Variants in HACD2 observed in about 807,000 individuals in gnomAD.
The protein encoded by HACD2 is 3-hydroxyacyl-CoA dehydratase 2.
In HACD2, 15 loss-of-function variants were observed where a neutral mutation model predicts 31.0. That is an observed-to-expected ratio of 0.48 (90% CI 0.32 to 0.75). The LOEUF (loss-of-function observed/expected upper bound fraction) is 0.75, where lower values mean the gene tolerates loss of function less well. Among genes scored for constraint, HACD2 ranks in the 30% least tolerant of loss-of-function variants. HACD2 has a pLI of 0.03. For synonymous variants in HACD2, 115 were observed against 122.2 expected, an observed-to-expected ratio of 0.94 and a Z score of 0.39; for missense variants, 283 against 313.0, an observed-to-expected ratio of 0.90 and a Z score of 0.72.
intron 4 of HACD2, among the ~76,000 whole-genome samples, chr3:123,514,295 G>A (rs1363480552): frequency 2.6e-5 from 4 of 152,032 alleles, no homozygotes; most frequent in Admixed American, 2.6e-4. Flanking sequence ...AAAACACAGA[G>A]AGAGTAGGAA....
chr3:123,551,167 C>T (rs2056615725), intron 3 of HACD2, among the ~76,000 whole-genome samples: 1 of 152,110 alleles, frequency 6.6e-6, no homozygotes, highest in Non-Finnish European at 1.5e-5. Context: ...TGTTCCTCTA[C>T]CTCTTTGAAC....
chr3:123,496,167 G>A (rs1053480559), intron 6 of HACD2, among the ~76,000 whole-genome samples: 1 of 152,054 alleles, frequency 6.6e-6, no homozygotes, highest in African/African-American at 2.4e-5. Context: ...GGGACTACAG[G>A]TGCACACCAC....
chr3:123,544,072 T>C (rs997192622), intron 3 of HACD2, among the ~76,000 whole-genome samples: 1 of 152,190 alleles, frequency 6.6e-6, no homozygotes, highest in Non-Finnish European at 1.5e-5. Context: ...AAAGTACAAA[T>C]GACTTTGCCC....
chr3:123,563,767 A>T (rs2056761372), intron 3 of HACD2, among the ~76,000 whole-genome samples: 1 of 152,186 alleles, frequency 6.6e-6, no homozygotes, highest in African/African-American at 2.4e-5. Flanking sequence ...CACCTCACAC[A>T]TTTATTTGTG....
intron 1 of HACD2, 119 bp downstream of exon 1, chr3:123,584,754 C>T (rs1019534262): frequency 1.8e-5 from 14 of 788,400 alleles, no homozygotes; most frequent in Non-Finnish European, 1.8e-5. Flanking sequence ...TCCCGGGCAC[C>T]CCCCGCCGGG....
rs377556116 is a variant in HACD2, at chr3:123,582,080, T to C, written c.273+132A>G. 3 of 477,074 alleles carry C rather than the reference T, an allele frequency of 6.3e-6. No homozygotes were observed. In the East Asian group the frequency reaches 1.0e-4, roughly 16 times the overall value. The allele number at this position is 477,074 out of a possible 1,614,324, so 29.6% of individuals were successfully genotyped here. A position where few individuals can be genotyped will look rare whatever the true frequency, so the allele number is the denominator to read the frequency against. ...TCAAAAAGCCTAGGTATCAACACTT[T>C]AGTATGTGAGGAGGCAAAATTTCAA... is the stretch of plus-strand genomic sequence containing the variant. On this transcript the variant is annotated intron_variant, in intron 2 of 6. Transcript: ENST00000383657.
rs78634121 is a variant in HACD2 at position 123,572,511 on chromosome 3, G to C, written c.274-4731C>G. On this transcript the variant is annotated intron_variant, in intron 2 of 6. Coordinates refer to ENST00000383657, the MANE Select transcript of HACD2 (RefSeq NM_198402.5). ...CAACAGAGCAAGACCCTGTCTCAAA[G>C]AAAAGAAAAGAAAATATGAACCATA... is the stretch of plus-strand genomic sequence containing the variant. Among the ~76,000 whole-genome samples the C allele has an allele frequency of 6.1e-3, 924 of 152,172 alleles. 9 individuals are homozygous for C. The highest frequency in any genetic ancestry group is 0.021 in the African/African-American group (892 of 41,516).
At position 123,500,497 on chromosome 3, in the gene HACD2, G is replaced by A. The variant is rs771255951; in HGVS notation, c.682+18C>T. On this transcript the variant is annotated intron_variant, in intron 6 of 6. Coordinates refer to ENST00000383657, the MANE Select transcript of HACD2 (RefSeq NM_198402.5). The stretch of plus-strand genomic sequence containing the variant: ...AATTTTAAAACATAATTAAATATAC[G>A]CATAACTGTTTACTTACTTGGAATG... 23 of 1,528,150 alleles carry A rather than the reference G, an allele frequency of 1.5e-5. No homozygotes were observed. The highest frequency in any genetic ancestry group is 3.4e-4 in the Middle Eastern group (2 of 5,814). 94.7% of individuals were successfully genotyped at this position (1,528,150 alleles called of 1,614,324 possible). A position where few individuals can be genotyped will look rare whatever the true frequency, so the allele number is the denominator to read the frequency against.
chr3:123,582,589 C>G (rs77002070), intron 1 of HACD2, among the ~76,000 whole-genome samples: 4,014 of 152,142 alleles, frequency 0.026, 115 homozygotes, highest in South Asian at 0.039. Flanking sequence ...GGCAACTTTG[C>G]TATTGAGATC....
At chr3:123,527,426 C>T (rs546023158) in intron 4 of HACD2, among the ~76,000 whole-genome samples, 2 of 152,210 alleles carry the variant, frequency 1.3e-5, no homozygotes, top group Admixed American at 6.5e-5. Context: ...ACCTAGGACA[C>T]GAATCTTCCC....
chr3:123,548,798 A>AT (rs1046923812), intron 3 of HACD2, among the ~76,000 whole-genome samples: 2 of 151,562 alleles, frequency 1.3e-5, no homozygotes, highest in African/African-American at 4.9e-5. Context: ...AAATTCTTTG[A>AT]TTTTTTTGTA....
chr3:123,505,555 C>T (rs958727827), intron 4 of HACD2, among the ~76,000 whole-genome samples: 1 of 152,168 alleles, frequency 6.6e-6, no homozygotes, highest in African/African-American at 2.4e-5. Context: ...CTTATGAAAT[C>T]AAGAGATCTG....
chr3:123,559,456 A>G (rs2056705156), intron 3 of HACD2, among the ~76,000 whole-genome samples: 1 of 152,220 alleles, frequency 6.6e-6, no homozygotes, highest in Non-Finnish European at 1.5e-5. Flanking sequence ...CAGATCATTG[A>G]CATTCATTTC....
intron 3 of HACD2, among the ~76,000 whole-genome samples, chr3:123,529,117 T>C (rs2056320384): frequency 1.3e-5 from 2 of 152,186 alleles, no homozygotes; most frequent in South Asian, 4.1e-4. Context: ...TATTTATTTT[T>C]TGAGACCGAG....
intron 4 of HACD2, 77 bp from the exon 5 acceptor site, chr3:123,502,758 C>A (rs1184771190): frequency 1.1e-5 from 16 of 1,476,546 alleles, no homozygotes; most frequent in Middle Eastern, 1.7e-4. Context: ...CCCGGCAGAG[C>A]CAGGGAGTGA....
intron 4 of HACD2, among the ~76,000 whole-genome samples, chr3:123,504,645 G>C (rs2055950122): frequency 6.6e-6 from 1 of 152,096 alleles, no homozygotes; most frequent in South Asian, 2.1e-4. Flanking sequence ...TCAGCCAAAA[G>C]AACTATGACA....
intron 3 of HACD2, among the ~76,000 whole-genome samples, chr3:123,554,322 G>C (rs2056650839): frequency 6.6e-6 from 1 of 151,844 alleles, no homozygotes; most frequent in Non-Finnish European, 1.5e-5. Flanking sequence ...AGAGGACTAA[G>C]GGCATTTAAA....
chr3:123,544,461 T>C (rs1285261753), intron 3 of HACD2, among the ~76,000 whole-genome samples: 1 of 152,216 alleles, frequency 6.6e-6, no homozygotes, highest in Non-Finnish European at 1.5e-5. Context: ...TATTCTGATA[T>C]TTCCATTGTC....
intron 4 of HACD2, among the ~76,000 whole-genome samples, chr3:123,518,995 T>TAAA (rs67571643): frequency 4.6e-3 from 193 of 42,412 alleles, no homozygotes; most frequent in Non-Finnish European, 6.9e-3. Flanking sequence ...AGACTCCAAC[T>TAAA]AAAAAAAAAA....
Sources: gnomAD v4.1 joint callset for allele counts (sites outside exome capture counted in the v4.1 genomes callset) on GRCh38, gnomAD v4.1.1 for gene constraint, MANE v1.5 for transcripts, NCBI Gene and HGNC (gene_info 2026-07-23, HGNC 2026-07-21) for gene names.